Variants in FAM120B observed in about 807,000 individuals in gnomAD.
The protein encoded by FAM120B is constitutive coactivator of peroxisome proliferator-activated receptor gamma.
Under a neutral mutation model 96.3 loss-of-function variants are expected in FAM120B, and 83 were observed. The ratio of observed to expected loss-of-function variants is 0.86; its 90% confidence interval spans 0.72 to 1.03. The LOEUF is 1.03. FAM120B is among the 50% of genes least tolerant of loss of function. The probability of loss-of-function intolerance (pLI) is 0.00; values close to 1 mark genes in which losing one functional copy is unlikely to be tolerated. For missense variants in FAM120B, 1,027 were observed against 1,121.2 expected (o/e 0.92, Z 1.20); for synonymous variants, 407 against 402.7 (o/e 1.01, Z -0.13).
chr6:170,304,591 C>T (rs143820606), upstream of FAM120B, among the ~76,000 whole-genome samples: 562 of 152,274 alleles, frequency 3.7e-3, 2 homozygotes, highest in Non-Finnish European at 6.1e-3. Flanking sequence ...ACCATCGAAT[C>T]CATCTGGGAG....
rs1778789550 is a variant in FAM120B, at chr6:170,405,991, T to G, written c.*1240T>G. On this transcript the variant is annotated 3_prime_UTR_variant, in exon 11 of 11. Coordinates refer to ENST00000476287, the MANE Select transcript of FAM120B (RefSeq NM_032448.3). ...TGGCACGTTTGTTCCTCTTTATCTC[T>G]GAGCATTGAAGGACTTTTGGTTAAA... The G allele has an allele frequency of 6.6e-6, 1 of 151,520 alleles. No homozygotes were observed. Among genetic ancestry groups the G allele is most frequent in the Non-Finnish European group, 1.5e-5 (1 of 67,830 alleles). The allele number at this position is 151,520 out of a possible 1,614,324, so 9.4% of individuals were successfully genotyped here.
intron 7 of FAM120B, 48 bp from the exon 8 acceptor site, chr6:170,390,945 AGCCACATCTGGCCCTACTTT>A: frequency 6.1e-6 from 8 of 1,314,294 alleles, no homozygotes; most frequent in East Asian, 2.4e-5. Context: ...GCTTCCTTCC[AGCCACATCTGGCCCTACTTT>A]GCCACATCTG....
chr6:170,366,143 T>C (rs950308213), intron 6 of FAM120B, among the ~76,000 whole-genome samples: 1 of 152,190 alleles, frequency 6.6e-6, no homozygotes, highest in Non-Finnish European at 1.5e-5. Flanking sequence ...CAAGATATAA[T>C]ACAAGTTTCT....
In FAM120B at chr6:170,318,778, T is replaced by C. The variant is rs927546005; in HGVS notation, c.1388T>C (p.Met463Thr). The change falls in exon 2 of 11, where the codon ATG (methionine) becomes ACG (threonine). Residue 463 changes from methionine (M) to threonine (T), a missense_variant. Met to Thr is a moderately conservative substitution (Grantham distance 81, BLOSUM62 -1). This residue lies in a region of FAM120B where 880 missense variants were observed against 980.9 expected (regional missense o/e 0.90). Coordinates refer to ENST00000476287, the MANE Select transcript of FAM120B (RefSeq NM_032448.3). ...TGSEPRQEVP[M>T]YTGPESRQEV... ...TCTGAACCCAGGCAAGAAGTTCCCA[T>C]GTATACAGGCCCTGAATCCAGGCAA... 1.9e-6 allele frequency: 3 copies of C among 1,612,756 alleles called. No individual in the cohort carries two copies. The highest frequency in any genetic ancestry group is 2.7e-5 in the African/African-American group (2 of 74,416).
chr6:170,385,749 T>C (rs1403379316), intron 6 of FAM120B, among the ~76,000 whole-genome samples: 1 of 152,186 alleles, frequency 6.6e-6, no homozygotes, highest in Admixed American at 6.5e-5. Context: ...CAGTGGGTGA[T>C]TAGATGAACG....
intron 4 of FAM120B, among the ~76,000 whole-genome samples, chr6:170,336,210 G>A (rs557086258): frequency 1.3e-3 from 202 of 152,260 alleles, no homozygotes; most frequent in Non-Finnish European, 2.6e-3. Flanking sequence ...AATCCATCTT[G>A]AGTTAATTTT....
At chr6:170,385,954 T>G (rs1456842377) in intron 6 of FAM120B, among the ~76,000 whole-genome samples, 1 of 152,090 alleles carries the variant, frequency 6.6e-6, no homozygotes, top group Non-Finnish European at 1.5e-5. Context: ...GAAAGATGAG[T>G]GATTGCCAGG....
rs1258671257 is a variant in FAM120B at position 170,295,777 on chromosome 6, C to T, written c.48+324C>T. Among the ~76,000 whole-genome samples the T allele has an allele frequency of 6.6e-6, 1 of 152,094 alleles. No individual in the cohort carries two copies. Among genetic ancestry groups the T allele is most frequent in the Admixed American group, 6.5e-5 (1 of 15,282 alleles). Reference sequence around the variant, plus strand: ...GGCTCCAACCCCACCTGGTTCGTGTCGGGGGGTCGTTTTGCGGTGGGGGGA... The same window carrying T: ...GGCTCCAACCCCACCTGGTTCGTGTTGGGGGGTCGTTTTGCGGTGGGGGGA... On this transcript the variant is annotated intron_variant, in intron 1 of 10. Transcript: ENST00000537664. This position sits in a 1 kb window ranked among gnomAD's most constrained non-coding sequence, Gnocchi z 7.8.
intron 6 of FAM120B, among the ~76,000 whole-genome samples, chr6:170,371,347 A>G (rs1562577190): frequency 1.3e-5 from 2 of 152,126 alleles, no homozygotes; most frequent in Non-Finnish European, 2.9e-5. Context: ...TTTGTCTGTC[A>G]TCAGCTGAGA....
At chr6:170,299,017 G>T (rs1486885333) in intron 1 of FAM120B, among the ~76,000 whole-genome samples, 9 of 152,232 alleles carry the variant, frequency 5.9e-5, no homozygotes, top group Non-Finnish European at 1.3e-4. Flanking sequence ...ACCCAAAGTG[G>T]AACTGGACCT....
intron 1 of FAM120B, chr6:170,297,889 TTTTG>T (rs1784053951): frequency 6.6e-6 from 1 of 152,262 alleles, no homozygotes; most frequent in Non-Finnish European, 1.5e-5. Flanking sequence ...CCATTTATCT[TTTTG>T]TTTATTAAAC....
intron 9 of FAM120B, among the ~76,000 whole-genome samples, chr6:170,402,055 G>A (rs746152062): frequency 2.0e-5 from 3 of 152,240 alleles, no homozygotes; most frequent in South Asian, 2.1e-4. Flanking sequence ...CGTGTCCCAC[G>A]CTTCAGTCCC....
rs760919116 is a variant in FAM120B, at chr6:170,317,801, A to G, written c.411A>G (p.Leu137=). The change falls in exon 2 of 11, where the codon CTA becomes CTG. Residue 137 remains leucine (L), a synonymous_variant. Transcript: ENST00000476287. ...GRNMFFIPSG[L]AVFTRFALKT... is the part of the protein sequence containing the mutation. ...ATATGTTCTTCATCCCCTCAGGGCT[A>G]GCTGTGTTTACACGATTTGCTCTAA... The G allele has an allele frequency of 4.3e-6, 7 of 1,614,112 alleles. No homozygotes were observed. The highest frequency in any genetic ancestry group is 1.3e-5 in the African/African-American group (1 of 74,938).
intron 4 of FAM120B, among the ~76,000 whole-genome samples, chr6:170,337,169 TTTG>T (rs1786491270): frequency 6.6e-6 from 1 of 152,200 alleles, no homozygotes; most frequent in Non-Finnish European, 1.5e-5. Context: ...TGGCTTTGGG[TTTG>T]TCATAAATAG....
At chr6:170,332,752 A>G (rs560601934) in intron 4 of FAM120B, among the ~76,000 whole-genome samples, 1 of 152,302 alleles carries the variant, frequency 6.6e-6, no homozygotes, top group South Asian at 2.1e-4. Context: ...CCTGTCAGGA[A>G]AACCTGCAAA....
intron 6 of FAM120B, among the ~76,000 whole-genome samples, chr6:170,378,071 T>C (rs1789675305): frequency 6.6e-6 from 1 of 152,198 alleles, no homozygotes; most frequent in Admixed American, 6.5e-5. Context: ...TGTTTCTTGG[T>C]TTAGAGTTTA....
At chr6:170,306,244 C>A (rs1001038643), upstream of FAM120B, among the ~76,000 whole-genome samples, 1 of 152,172 alleles carries the variant, frequency 6.6e-6, no homozygotes, top group Non-Finnish European at 1.5e-5. Flanking sequence ...AGGACGTCCC[C>A]GCTCCCTCCC....
At chr6:170,398,941 A>G (rs545307991) in intron 9 of FAM120B, among the ~76,000 whole-genome samples, 6 of 148,706 alleles carry the variant, frequency 4.0e-5, no homozygotes, top group South Asian at 2.1e-4. Flanking sequence ...AGTGAGTGAG[A>G]AAGGTAGAAC....
intron 9 of FAM120B, among the ~76,000 whole-genome samples, chr6:170,402,579 C>T (rs898463373): frequency 2.0e-5 from 3 of 152,196 alleles, no homozygotes; most frequent in Non-Finnish European, 4.4e-5. Context: ...TCTGTCGCCT[C>T]GTTCCTAAGT....
Sources: gnomAD v4.1 joint callset for allele counts (sites outside exome capture counted in the v4.1 genomes callset) on GRCh38, gnomAD v4.1.1 for gene constraint, gnomAD v4.1.1 regional missense constraint, Gnocchi (gnomAD v3.1) non-coding constraint, MANE v1.5 for transcripts, NCBI Gene and HGNC (gene_info 2026-07-23, HGNC 2026-07-21) for gene names.